ARIH2: variants seen among roughly 807,000 people sequenced by gnomAD.
ARIH2 encodes the protein E3 ubiquitin-protein ligase ARIH2.
In ARIH2, 12 loss-of-function variants were observed where a neutral mutation model predicts 79.8. That is an observed-to-expected ratio of 0.15 (90% CI 0.10 to 0.24). The LOEUF (loss-of-function observed/expected upper bound fraction) is 0.24. ARIH2 is among the 10% of genes least tolerant of loss of function. ARIH2 has a pLI of 1.00. For missense variants in ARIH2, 301 were observed against 618.3 expected (o/e 0.49, Z 5.44); for synonymous variants, 224 against 213.9 (o/e 1.05, Z -0.41).
intron 3 of ARIH2, among the ~76,000 whole-genome samples, chr3:48,935,904 T>C (rs1199079818): frequency 6.6e-6 from 1 of 152,144 alleles, no homozygotes; most frequent in Non-Finnish European, 1.5e-5. Context: ...CGTCTGAGTG[T>C]GCGTATGATA....
intron 9 of ARIH2, 99 bp from the exon 10 acceptor site, chr3:48,974,718 C>A: frequency 4.0e-6 from 5 of 1,263,802 alleles, no homozygotes; most frequent in Non-Finnish European, 5.8e-6. Flanking sequence ...AGTGCTCACA[C>A]CATGAGCAAC....
At chr3:48,919,236 A>G in intron 1 of ARIH2, 1 of 1,231,284 alleles carries the variant, frequency 8.1e-7, no homozygotes, top group Non-Finnish European at 1.0e-6. Context: ...GTCAGAGGCC[A>G]CCGCCTCTGA....
intron 13 of ARIH2, 101 bp from the exon 14 acceptor site, chr3:48,981,558 TG>T: frequency 1.1e-6 from 1 of 880,226 alleles, no homozygotes; most frequent in Non-Finnish European, 1.8e-6. Flanking sequence ...TCTATAGAGC[TG>T]GGCTAATTTG....
At chr3:48,968,343 G>A in intron 6 of ARIH2, 191 bp from the exon 7 acceptor site, 1 of 399,400 alleles carries the variant, frequency 2.5e-6, no homozygotes, top group Non-Finnish European at 4.8e-6. Context: ...AAGTAGCTGG[G>A]ACTACAGGCG....
chr3:48,934,312 T>C, intron 3 of ARIH2: 2 of 769,690 alleles, frequency 2.6e-6, no homozygotes, highest in Non-Finnish European at 3.2e-6. Flanking sequence ...AGATAACAAG[T>C]ATCTGGTGAA....
intron 11 of ARIH2, among the ~76,000 whole-genome samples, chr3:48,976,768 G>T (rs1347950289): frequency 6.6e-6 from 1 of 152,150 alleles, no homozygotes; most frequent in Non-Finnish European, 1.5e-5. Context: ...GAAGCCCCCT[G>T]GGTGTCCATA....
rs1431857868 is a variant in ARIH2 at position 48,945,692 on chromosome 3, GC to G, written c.256-15919del. On this transcript the variant is annotated intron_variant, in intron 3 of 15. Transcript: ENST00000356401. ...AATTTAAACTTCTGATAGAAGACTT[GC>G]TTGAATGCGGTGGAGGGGAAGGGAC... is the stretch of plus-strand genomic sequence containing the variant. Among the ~76,000 whole-genome samples the G allele has an allele frequency of 2.0e-5, 3 of 152,278 alleles. No homozygotes were observed. The East Asian group carries it at 5.8e-4, about 29-fold the overall frequency.
Position 48,934,116 on chromosome 3 carries a change from T to C in ARIH2, c.255+6303T>C, listed in dbSNP as rs370712487. The stretch of plus-strand genomic sequence containing the variant: ...ATAATTTTTCCCCTCTGTAGATGAA[T>C]AGTAATGAGTTGTCAGGGCTTCTGA... On this transcript the variant is annotated intron_variant, in intron 3 of 15. Transcript: ENST00000356401. Among the ~76,000 whole-genome samples the C allele has an allele frequency of 1.2e-4, 18 of 152,288 alleles. No homozygotes were observed. In the East Asian group the frequency reaches 2.5e-3, roughly 21 times the overall value.
chr3:48,964,147 C>T (rs1334466303), intron 4 of ARIH2, among the ~76,000 whole-genome samples: 1 of 152,008 alleles, frequency 6.6e-6, no homozygotes, highest in Non-Finnish European at 1.5e-5. Flanking sequence ...CCTCCTGCTT[C>T]AGTCTCCCAA....
At chr3:48,920,090 C>CTT (rs1232239651) in intron 1 of ARIH2, among the ~76,000 whole-genome samples, 2 of 151,432 alleles carry the variant, frequency 1.3e-5, no homozygotes, top group Non-Finnish European at 2.9e-5. Context: ...AGTGATCCTC[C>CTT]TTTCTTAGCC....
chr3:48,970,751 C>T (rs374025211), intron 8 of ARIH2, 47 bp downstream of exon 8: 72 of 1,441,570 alleles, frequency 5.0e-5, no homozygotes, highest in Non-Finnish European at 6.9e-5. Context: ...CATGCCCCAT[C>T]CTCCAAAGCA....
chr3:48,946,335 G>A (rs1274762691), intron 3 of ARIH2, among the ~76,000 whole-genome samples: 1 of 151,876 alleles, frequency 6.6e-6, no homozygotes, highest in East Asian at 2.0e-4. Context: ...AGGTTTCTAG[G>A]CCAGTGTAAC....
chr3:48,929,259 C>T (rs1219036190), intron 3 of ARIH2, among the ~76,000 whole-genome samples: 1 of 152,126 alleles, frequency 6.6e-6, no homozygotes, highest in African/African-American at 2.4e-5. Context: ...ATTGTCAAGC[C>T]TCTGTGCTGG....
Position 48,927,471 on chromosome 3 carries a change from A to G in ARIH2, c.-88A>G. ...TTTTTTCCTCCCTTAGAAGACAAAA[A>G]TACTAATGCATTTGAGAAAGCGGTA... On this transcript the variant is annotated 5_prime_UTR_variant, in exon 3 of 16. Coordinates refer to ENST00000356401, the MANE Select transcript of ARIH2 (RefSeq NM_006321.4). The G allele has an allele frequency of 6.6e-7, 1 of 1,505,192 alleles. No homozygotes were observed. Among genetic ancestry groups the G allele is most frequent in the Non-Finnish European group, 8.9e-7 (1 of 1,117,548 alleles). 93.2% of individuals were successfully genotyped at this position (1,505,192 alleles called of 1,614,324 possible).
Position 48,973,789 on chromosome 3 carries a change from C to A in ARIH2, c.861C>A (p.Ala287=). ...LTKCADDSET[A]NYISAHTKDC... is the part of the protein sequence containing the mutation. The stretch of plus-strand genomic sequence containing the variant: ...AGTGTGCAGACGACTCTGAAACAGC[C>A]AACTACATTAGTGCTCACACTAAAG... Residue 287 remains alanine (A), a synonymous_variant, in exon 9 of 16, where the codon GCC becomes GCA. Coordinates refer to ENST00000356401, the MANE Select transcript of ARIH2 (RefSeq NM_006321.4). 1 of 1,613,928 alleles carries A rather than the reference C, an allele frequency of 6.2e-7. No individual in the cohort carries two copies. The highest frequency in any genetic ancestry group is 8.5e-7 in the Non-Finnish European group (1 of 1,179,872).
chr3:48,972,685 A>G (rs1350286618), intron 8 of ARIH2, among the ~76,000 whole-genome samples: 1 of 152,122 alleles, frequency 6.6e-6, no homozygotes, highest in Admixed American at 6.6e-5. Flanking sequence ...TATGTTGCCT[A>G]GGTTGGTTGG....
At chr3:48,952,435 T>A (rs1011003724) in intron 3 of ARIH2, among the ~76,000 whole-genome samples, 5 of 151,742 alleles carry the variant, frequency 3.3e-5, no homozygotes, top group Admixed American at 2.6e-4. Flanking sequence ...CTGGCAAGAG[T>A]TAAGGGATCT....
intron 4 of ARIH2, 77 bp downstream of exon 4, chr3:48,961,756 C>T: frequency 1.1e-6 from 1 of 950,044 alleles, no homozygotes; most frequent in East Asian, 2.4e-5. Flanking sequence ...ACATTTTGGA[C>T]CATATTCGAC....
At chr3:48,919,906 C>T (rs575029417) in intron 1 of ARIH2, among the ~76,000 whole-genome samples, 86 of 151,582 alleles carry the variant, frequency 5.7e-4, no homozygotes, top group African/African-American at 2.0e-3. Context: ...GTGTTCTGTG[C>T]GTGGTGGGCA....
Sources: gnomAD v4.1 joint callset for allele counts (sites outside exome capture counted in the v4.1 genomes callset) on GRCh38, gnomAD v4.1.1 for gene constraint, MANE v1.5 for transcripts, NCBI Gene and HGNC (gene_info 2026-07-23, HGNC 2026-07-21) for gene names.